MDGA2: variants seen among roughly 807,000 people sequenced by gnomAD.
The protein encoded by MDGA2 is MAM domain-containing glycosylphosphatidylinositol anchor protein 2.
A neutral mutation model predicts 117.8 loss-of-function variants in MDGA2; 40 were observed. The ratio of observed to expected loss-of-function variants is 0.34; its 90% CI spans 0.26 to 0.44. MDGA2 has a LOEUF of 0.44. Ranked by LOEUF, MDGA2 falls within the 20% of genes least tolerant of loss-of-function variation. The pLI is 1.00. For missense variants in MDGA2, 1,123 were observed against 1,250.6 expected, an observed-to-expected ratio of 0.90 and a Z score of 1.54; for synonymous variants, 452 against 439.0, an observed-to-expected ratio of 1.03 and a Z score of -0.37.
chr14:46,888,665 C>A (rs1345628353), intron 10 of MDGA2, among the ~76,000 whole-genome samples: 2 of 150,652 alleles, frequency 1.3e-5, no homozygotes, highest in East Asian at 3.9e-4. Flanking sequence ...CAGAAGGCTG[C>A]AACAGATTCT....
intron 4 of MDGA2, among the ~76,000 whole-genome samples, chr14:47,133,549 T>G (rs1386940398): frequency 6.6e-6 from 1 of 151,910 alleles, no homozygotes; most frequent in Non-Finnish European, 1.5e-5. Flanking sequence ...TGCTGATGAA[T>G]TTCTACTACA....
chr14:47,049,621 T>C (rs1262302467), intron 7 of MDGA2, among the ~76,000 whole-genome samples: 1 of 152,034 alleles, frequency 6.6e-6, no homozygotes, highest in East Asian at 1.9e-4. Flanking sequence ...GATGCTGATC[T>C]CTGGGGTAGG....
intron 1 of MDGA2, among the ~76,000 whole-genome samples, chr14:47,325,177 G>T (rs1322068444): frequency 1.3e-5 from 2 of 152,110 alleles, no homozygotes; most frequent in Non-Finnish European, 2.9e-5. Context: ...TTTTGGTTGG[G>T]TATTCAGTAT....
intron 9 of MDGA2, among the ~76,000 whole-genome samples, chr14:46,931,956 A>AT (rs376089377): frequency 6.6e-6 from 1 of 151,754 alleles, no homozygotes; most frequent in African/African-American, 2.4e-5. Context: ...AATATCAAAA[A>AT]TATCGATGGA....
chr14:46,977,974 T>C (rs973173542), intron 8 of MDGA2, among the ~76,000 whole-genome samples: 1 of 151,926 alleles, frequency 6.6e-6, no homozygotes, highest in Non-Finnish European at 1.5e-5. Context: ...GAGTAGAGGT[T>C]GTTTTCTTTC....
At chr14:47,125,910 T>C (rs931500744) in intron 5 of MDGA2, among the ~76,000 whole-genome samples, 3 of 152,032 alleles carry the variant, frequency 2.0e-5, no homozygotes, top group African/African-American at 7.2e-5. Flanking sequence ...TTTGAAGTTG[T>C]GAGACATCAA....
intron 1 of MDGA2, among the ~76,000 whole-genome samples, chr14:47,432,812 A>G (rs1237809854): frequency 6.6e-6 from 1 of 152,144 alleles, no homozygotes; most frequent in Non-Finnish European, 1.5e-5. Context: ...TGAAACAATC[A>G]TCTTTATTTT....
chr14:47,046,221 G>A (rs1041620008), intron 7 of MDGA2, among the ~76,000 whole-genome samples: 2 of 152,032 alleles, frequency 1.3e-5, no homozygotes, highest in Admixed American at 6.6e-5. Flanking sequence ...GTAAAGGGCT[G>A]AGATATTCAT....
chr14:47,316,344 A>G (rs1889809817), intron 1 of MDGA2, among the ~76,000 whole-genome samples: 1 of 152,126 alleles, frequency 6.6e-6, no homozygotes, highest in Non-Finnish European at 1.5e-5. Context: ...GAAACCAAAA[A>G]TAAGTACATT....
chr14:46,881,732 GA>G (rs1444183583), intron 11 of MDGA2, among the ~76,000 whole-genome samples: 1 of 151,934 alleles, frequency 6.6e-6, no homozygotes, highest in African/African-American at 2.4e-5. Flanking sequence ...AAGTCATCAA[GA>G]ATTTGAAAAG....
chr14:47,029,493 G>A (rs897003273), intron 8 of MDGA2, among the ~76,000 whole-genome samples: 19 of 152,134 alleles, frequency 1.2e-4, no homozygotes, highest in Admixed American at 9.8e-4. Context: ...ATTTTATACC[G>A]CTTAACAGAA....
At chr14:47,023,197 G>T (rs1357346374) in intron 8 of MDGA2, among the ~76,000 whole-genome samples, 16 of 69,630 alleles carry the variant, frequency 2.3e-4, no homozygotes, top group African/African-American at 1.2e-3. Context: ...ATTCCCACTC[G>T]TAAAAAAAAA....
chr14:47,495,338 G>A lies in MDGA2; in HGVS notation c.280+179179C>T, dbSNP rs10130203. On this transcript the variant is annotated intron_variant, in intron 1 of 16. Transcript: ENST00000399232. The stretch of plus-strand genomic sequence containing the variant: ...TTATTTGGTACAATGTACACTATTT[G>A]TGTGAAGTTCAGATTTTACCATTAC... Among the ~76,000 whole-genome samples the A allele has an allele frequency of 5.8e-3, 883 of 151,920 alleles. 6 individuals carry two copies. Among genetic ancestry groups the A allele is most frequent in the Non-Finnish European group, 0.01 (682 of 67,976 alleles).
chr14:47,584,065 A>G (rs1028355012), intron 1 of MDGA2, among the ~76,000 whole-genome samples: 1 of 151,832 alleles, frequency 6.6e-6, no homozygotes, highest in Non-Finnish European at 1.5e-5. Flanking sequence ...ATGACAATAT[A>G]TTTGAGAAAC....
intron 1 of MDGA2, among the ~76,000 whole-genome samples, chr14:47,319,074 T>C (rs933150354): frequency 2.6e-5 from 4 of 152,192 alleles, no homozygotes; most frequent in Admixed American, 1.3e-4. Context: ...CTTTTACATA[T>C]AAAAATGTCT....
chr14:47,173,455 C>A (rs768520801), intron 3 of MDGA2, among the ~76,000 whole-genome samples: 6 of 152,138 alleles, frequency 3.9e-5, no homozygotes, highest in African/African-American at 7.2e-5. Context: ...GATCTCTCGG[C>A]AGAAATTCTA....
intron 5 of MDGA2, among the ~76,000 whole-genome samples, chr14:47,130,056 G>C (rs1882125155): frequency 6.7e-6 from 1 of 150,264 alleles, no homozygotes; most frequent in Admixed American, 6.7e-5. Flanking sequence ...TGTTCACTCT[G>C]ATGGTAGTTT....
chr14:47,485,895 A>G (rs1310655360), intron 1 of MDGA2, among the ~76,000 whole-genome samples: 2 of 152,220 alleles, frequency 1.3e-5, no homozygotes, highest in African/African-American at 4.8e-5. Context: ...CTGGATGTCC[A>G]GGCAGAAGTT....
At chr14:47,065,404 T>A (rs1318359270) in intron 6 of MDGA2, among the ~76,000 whole-genome samples, 1 of 152,068 alleles carries the variant, frequency 6.6e-6, no homozygotes, top group African/African-American at 2.4e-5. Flanking sequence ...TTGCTCACCT[T>A]CCCTAGAAAT....
Sources: allele counts gnomAD v4.1 joint callset (sites outside exome capture counted in the v4.1 genomes callset), GRCh38; gene constraint gnomAD v4.1.1; transcripts MANE v1.5; gene names NCBI Gene and HGNC (gene_info 2026-07-23, HGNC 2026-07-21).